The following NRP1 variants were observed in gnomAD, a reference collection of about 807,000 sequenced individuals.
NRP1 encodes neuropilin 1.
A neutral mutation model predicts 106.7 loss-of-function variants in NRP1; 35 were observed. The ratio of observed to expected loss-of-function variants is 0.33; its 90% CI spans 0.25 to 0.43. NRP1 has a LOEUF of 0.43. NRP1 is among the 20% of genes least tolerant of loss of function. The pLI is 1.00. For missense variants in NRP1, 1,024 were observed against 1,170.4 expected, an observed-to-expected ratio of 0.87 and a Z score of 1.83; for synonymous variants, 437 against 417.9, an observed-to-expected ratio of 1.05 and a Z score of -0.56.
chr10:33,237,525 C>T (rs11597491), intron 6 of NRP1, among the ~76,000 whole-genome samples: 1,865 of 150,172 alleles, frequency 0.012, 35 homozygotes, highest in Non-Finnish European at 0.016. Flanking sequence ...ACAAATCCCA[C>T]CCAATTGCTT....
intron 9 of NRP1, among the ~76,000 whole-genome samples, chr10:33,210,022 A>G (rs1838172902): frequency 6.6e-6 from 1 of 152,134 alleles, no homozygotes; most frequent in Admixed American, 6.5e-5. Context: ...GAAATGTCAA[A>G]ACAAAACAGT....
intron 4 of NRP1, among the ~76,000 whole-genome samples, chr10:33,259,212 G>A (rs1842408357): frequency 6.6e-6 from 1 of 152,180 alleles, no homozygotes; most frequent in East Asian, 1.9e-4. Context: ...GAGTCTCCAT[G>A]ACTCACTGGT....
At chr10:33,318,278 A>G (rs1847180530) in intron 2 of NRP1, among the ~76,000 whole-genome samples, 2 of 152,192 alleles carry the variant, frequency 1.3e-5, no homozygotes, top group Admixed American at 1.3e-4. Context: ...ATGGTGCCAT[A>G]ATGAGCCATT....
At chr10:33,314,020 C>CTT (rs1290258785) in intron 2 of NRP1, among the ~76,000 whole-genome samples, 4 of 112,374 alleles carry the variant, frequency 3.6e-5, no homozygotes, top group East Asian at 3.0e-4. Flanking sequence ...TTCCTTCCTT[C>CTT]TCTCTCTCTC....
At chr10:33,198,924 T>C (rs944663941) in intron 11 of NRP1, among the ~76,000 whole-genome samples, 4 of 152,160 alleles carry the variant, frequency 2.6e-5, no homozygotes, top group African/African-American at 7.2e-5. Flanking sequence ...AATAACACCC[T>C]GAGTGCTGTG....
intron 2 of NRP1, among the ~76,000 whole-genome samples, chr10:33,271,434 AAC>A (rs1843305842): frequency 6.6e-6 from 1 of 152,220 alleles, no homozygotes; most frequent in African/African-American, 2.4e-5. Context: ...CAATAGTTAA[AAC>A]ACAGATTATC....
intron 6 of NRP1, among the ~76,000 whole-genome samples, chr10:33,253,338 C>T (rs912671262): frequency 2.1e-4 from 32 of 151,888 alleles, no homozygotes; most frequent in African/African-American, 6.0e-4. Context: ...GTGGGGCAGA[C>T]GAGGTGTCTG....
intron 4 of NRP1, among the ~76,000 whole-genome samples, chr10:33,256,822 G>A (rs1842227306): frequency 6.6e-6 from 1 of 152,178 alleles, no homozygotes; most frequent in African/African-American, 2.4e-5. Context: ...ACACAGCTCA[G>A]CGCCAAAAGA....
chr10:33,269,722 TC>T (rs1843165898), intron 3 of NRP1, among the ~76,000 whole-genome samples: 1 of 152,040 alleles, frequency 6.6e-6, no homozygotes, highest in African/African-American at 2.4e-5. Flanking sequence ...CCACCTGAAC[TC>T]CTCCTCCTGT....
intron 8 of NRP1, among the ~76,000 whole-genome samples, chr10:33,216,830 A>G (rs900881622): frequency 3.9e-5 from 6 of 152,042 alleles, no homozygotes; most frequent in Non-Finnish European, 5.9e-5. Context: ...GAACTAAGTC[A>G]TATTTTTCTG....
intron 2 of NRP1, among the ~76,000 whole-genome samples, chr10:33,282,385 T>C (rs1844205640): frequency 6.6e-6 from 1 of 152,208 alleles, no homozygotes; most frequent in South Asian, 2.1e-4. Context: ...GAAGCAATAA[T>C]TCTGTTTTAT....
chr10:33,182,299 A>G (rs1406061221), intron 16 of NRP1, among the ~76,000 whole-genome samples: 1 of 152,196 alleles, frequency 6.6e-6, no homozygotes, highest in Non-Finnish European at 1.5e-5. Flanking sequence ...ATCAACAAAC[A>G]GAAGAATTTC....
At chr10:33,251,576 T>C (rs560542657) in intron 6 of NRP1, among the ~76,000 whole-genome samples, 86 of 152,346 alleles carry the variant, frequency 5.6e-4, no homozygotes, top group African/African-American at 1.8e-3. Flanking sequence ...CTGATCATGT[T>C]TTCTCATTGG....
At chr10:33,193,378 G>A (rs1836548739) in intron 12 of NRP1, among the ~76,000 whole-genome samples, 1 of 152,154 alleles carries the variant, frequency 6.6e-6, no homozygotes, top group Admixed American at 6.5e-5. Context: ...GTAAACATAA[G>A]CTAACAATAA....
intron 13 of NRP1, among the ~76,000 whole-genome samples, chr10:33,188,606 G>A (rs1246683563): frequency 1.3e-5 from 2 of 152,036 alleles, no homozygotes; most frequent in Non-Finnish European, 1.5e-5. Context: ...GCCGGGCGCG[G>A]TGGTCCACGC....
Position 33,213,667 on chromosome 10 carries a change from A to T in NRP1, c.1333T>A (p.Ser445Thr). ...LGMVSGLISDSQITSSNQGDR... is the reference protein window; with the variant it reads ...LGMVSGLISDTQITSSNQGDR... ...CCTTGGTTGGATGATGTGATCTGGG[A>T]GTCAGAAATAAGTCCAGACACCATA... The change falls in exon 9 of 17, where the codon TCC (serine) becomes ACC (threonine). Residue 445 changes from serine (S) to threonine (T), a missense_variant. Coordinates refer to ENST00000374867, the MANE Select transcript of NRP1 (RefSeq NM_003873.7). The T allele has an allele frequency of 1.2e-6, 2 of 1,613,442 alleles. No homozygotes were observed. Among genetic ancestry groups the T allele is most frequent in the South Asian group, 1.1e-5 (1 of 90,890 alleles).
Position 33,330,848 on chromosome 10 carries a change from G to A in NRP1, c.108C>T (p.Pro36=), listed in dbSNP as rs766104628. Residue 36 remains proline (P), a synonymous_variant, in exon 2 of 17, where the codon CCC becomes CCT. Coordinates refer to ENST00000374867, the MANE Select transcript of NRP1 (RefSeq NM_003873.7). ...GATAACCAGGAGATGTAAGGTACCCGGGGCTTTCAATTTTTATAGTATCGC... is the reference window on the plus strand; with the variant it reads ...GATAACCAGGAGATGTAAGGTACCCAGGGCTTTCAATTTTTATAGTATCGC... The part of the protein sequence containing the change: ...KCGDTIKIES[P]GYLTSPGYPH... The A allele has an allele frequency of 5.0e-6, 8 of 1,609,762 alleles. No individual in the cohort carries two copies. Among genetic ancestry groups the A allele is most frequent in the South Asian group, 2.2e-5 (2 of 90,326 alleles).
intron 2 of NRP1, among the ~76,000 whole-genome samples, chr10:33,319,002 CTT>C (rs36010472): frequency 7.5e-4 from 68 of 90,766 alleles, no homozygotes; most frequent in South Asian, 2.2e-3. Flanking sequence ...TCTTTTCTTT[CTT>C]TTTTTTTTTT....
At chr10:33,253,618 A>G (rs1236942415) in intron 6 of NRP1, among the ~76,000 whole-genome samples, 2 of 152,196 alleles carry the variant, frequency 1.3e-5, no homozygotes, top group East Asian at 1.9e-4. Context: ...ACGTCTATAA[A>G]CAGGATTCAT....
Sources: allele counts gnomAD v4.1 joint callset (sites outside exome capture counted in the v4.1 genomes callset), GRCh38; gene constraint gnomAD v4.1.1; transcripts MANE v1.5; gene names NCBI Gene and HGNC (gene_info 2026-07-23, HGNC 2026-07-21).